ZNF805: variants seen among roughly 807,000 people sequenced by gnomAD.
ZNF805 encodes the protein CTC-444N24.8.
In ZNF805, 7 loss-of-function variants were observed where a neutral mutation model predicts 13.6. The observed-to-expected ratio is 0.51, with a 90% CI of 0.29 to 0.97. The LOEUF is 0.97. Ranked by LOEUF, ZNF805 falls within the 50% of genes least tolerant of loss-of-function variation. ZNF805 has a pLI of 0.08. For missense variants in ZNF805, 604 were observed against 771.0 expected, an observed-to-expected ratio of 0.78 and a Z score of 2.57; for synonymous variants, 293 against 279.8, an observed-to-expected ratio of 1.05 and a Z score of -0.47.
intron 2 of ZNF805, among the ~76,000 whole-genome samples, chr19:57,244,349 T>C (rs1458380776): frequency 6.6e-6 from 1 of 151,938 alleles, no homozygotes. Context: ...AAGCTGGGAT[T>C]ACAGGTGCCC....
At position 57,253,935 on chromosome 19, in the gene ZNF805, G is replaced by T; in HGVS notation, c.1116G>T (p.Glu372Asp). Residue 372 changes from glutamate (E) to aspartate (D), a missense_variant, in exon 4 of 4, where the codon GAG (glutamate) becomes GAT (aspartate). By Grantham distance (45) the Glu-to-Asp change is conservative. Coordinates refer to ENST00000414468, the MANE Select transcript of ZNF805 (RefSeq NM_001023563.4). This position sits in a 1 kb window ranked among gnomAD's most constrained non-coding sequence, Gnocchi z 4.4. Reference protein sequence around the residue: ...QQTHTGEKPYECSECGKAFCE... With the variant: ...QQTHTGEKPYDCSECGKAFCE... ...CTCATACCGGGGAGAAGCCCTATGA[G>T]TGCAGTGAATGTGGGAAGGCCTTCT... 1 of 1,614,100 alleles carries T rather than the reference G, an allele frequency of 6.2e-7. No homozygotes were observed. The highest frequency in any genetic ancestry group is 8.5e-7 in the Non-Finnish European group (1 of 1,180,000).
In ZNF805 at chr19:57,253,017, GT is replaced by G. The variant is rs2087660620; in HGVS notation, c.254-53del. The G allele has an allele frequency of 7.5e-7, 1 of 1,340,878 alleles. No homozygotes were observed. Among genetic ancestry groups the G allele is most frequent in the Admixed American group, 3.5e-5 (1 of 28,220 alleles). The allele number at this position is 1,340,878 out of a possible 1,614,324, so 83.1% of individuals were successfully genotyped here. A position where few individuals can be genotyped will look rare whatever the true frequency, so the allele number is the denominator to read the frequency against. On this transcript the variant is annotated intron_variant, in intron 3 of 3. Transcript: ENST00000414468. This position sits in a 1 kb window ranked among gnomAD's most constrained non-coding sequence, Gnocchi z 4.4. ...TTTTTTTTACTGAAGTGGTGAGTTTGTTTCTTCTCTTTTTACATTACTAACA... is the reference window on the plus strand; with the variant it reads ...TTTTTTTTACTGAAGTGGTGAGTTTGTTCTTCTCTTTTTACATTACTAACA...
At chr19:57,247,242 A>T (rs991622892) in intron 2 of ZNF805, among the ~76,000 whole-genome samples, 1 of 152,052 alleles carries the variant, frequency 6.6e-6, no homozygotes, top group African/African-American at 2.4e-5. Context: ...AAATATTTTA[A>T]TGGTTCGTGA....
At chr19:57,245,581 C>A in intron 2 of ZNF805, among the ~76,000 whole-genome samples, 1 of 149,280 alleles carries the variant, frequency 6.7e-6, no homozygotes, top group East Asian at 2.0e-4. Flanking sequence ...AGATAGAGAC[C>A]ATCCTGGCTA....
chr19:57,256,077 T>C lies in ZNF805; in HGVS notation c.*1374T>C, dbSNP rs2087685764. 6.6e-6 allele frequency among the ~76,000 whole-genome samples: 1 copy of C among 152,128 alleles called. No individual in the cohort carries two copies. Among genetic ancestry groups the C allele is most frequent in the East Asian group, 1.9e-4 (1 of 5,204 alleles). ...TTGTCATATGCTTTTTCTCCACCAA[T>C]TGATTTAATTATGTGATGTTACTTC... is the stretch of plus-strand genomic sequence containing the variant. On this transcript the variant is annotated 3_prime_UTR_variant, in exon 4 of 4. Transcript: ENST00000414468.
rs745701797 is a variant in ZNF805 at position 57,253,579 on chromosome 19, A to T, written c.760A>T (p.Thr254Ser). ...TYLLQHHMVH[T>S]GEKPYKCMEC... ...CCTCCTGCAGCACCACATGGTCCAC[A>T]CTGGGGAGAAGCCCTATAAGTGCAT... Residue 254 changes from threonine to serine, a missense_variant, in exon 4 of 4, where the codon ACT becomes TCT. Thr to Ser is a moderately conservative substitution (Grantham distance 58). Transcript: ENST00000414468. The surrounding 1 kb of genome is among the most constrained non-coding windows in gnomAD (Gnocchi z 4.4). The T allele has an allele frequency of 2.5e-6, 4 of 1,614,146 alleles. No individual in the cohort carries two copies. The highest frequency in any genetic ancestry group is 3.4e-6 in the Non-Finnish European group (4 of 1,180,006).
Position 57,253,179 on chromosome 19 carries a change from C to A in ZNF805, c.360C>A (p.Ser120=), listed in dbSNP as rs1471781323. Residue 120 remains serine (S), a synonymous_variant, in exon 4 of 4, where the codon TCC becomes TCA. Coordinates refer to ENST00000414468, the MANE Select transcript of ZNF805 (RefSeq NM_001023563.4). This position sits in a 1 kb window ranked among gnomAD's most constrained non-coding sequence, Gnocchi z 4.4. ...TAACACAAGGAGCTTCAGGGGACTC[C>A]CAGTTGGGGCAACCCAAGGATCAGG... The part of the protein sequence containing the change: ...GQLTQGASGD[S]QLGQPKDQDG... 1.3e-6 allele frequency: 2 copies of A among 1,559,278 alleles called. No individual in the cohort carries two copies. The highest frequency in any genetic ancestry group is 4.7e-5 in the East Asian group (2 of 42,408).
In ZNF805 at chr19:57,254,763, C is replaced by A; in HGVS notation, c.*60C>A. 6.7e-7 allele frequency: 1 copy of A among 1,492,566 alleles called. No homozygotes were observed. Among genetic ancestry groups the A allele is most frequent in the Admixed American group, 2.1e-5 (1 of 46,694 alleles). 92.5% of individuals were successfully genotyped at this position (1,492,566 alleles called of 1,614,324 possible). ...TAAGGAGTCATATTAGAAAATCACG[C>A]AGCTTAGAGCCTTATTCTCCATCCG... On this transcript the variant is annotated 3_prime_UTR_variant, in exon 4 of 4. Transcript: ENST00000414468.
intron 2 of ZNF805, among the ~76,000 whole-genome samples, chr19:57,248,209 TAAAA>T (rs796135894): frequency 2.2e-5 from 3 of 137,830 alleles, no homozygotes; most frequent in East Asian, 2.1e-4. Flanking sequence ...CTTAGGATGT[TAAAA>T]AAAAAAAAAA....
chr19:57,246,106 T>A (rs1179540486), intron 2 of ZNF805, among the ~76,000 whole-genome samples: 3 of 152,192 alleles, frequency 2.0e-5, no homozygotes, highest in Non-Finnish European at 4.4e-5. Context: ...TAATTTCCCC[T>A]TTTCTACAGA....
Position 57,259,232 on chromosome 19 carries a change from T to C in ZNF805, c.*4529T>C, listed in dbSNP as rs997058152. 6.6e-6 allele frequency among the ~76,000 whole-genome samples: 1 copy of C among 152,208 alleles called. No individual in the cohort carries two copies. The highest frequency in any genetic ancestry group is 6.5e-5 in the Admixed American group (1 of 15,278). On this transcript the variant is annotated 3_prime_UTR_variant, in exon 4 of 4. Coordinates refer to ENST00000414468, the MANE Select transcript of ZNF805 (RefSeq NM_001023563.4). ...TTTGGGAATTTTTAACCATTATTTC[T>C]TGAAATATTTTTTCATCCCTACTCT...
chr19:57,245,304 A>C (rs2087606066), intron 2 of ZNF805, among the ~76,000 whole-genome samples: 1 of 152,014 alleles, frequency 6.6e-6, no homozygotes, highest in Non-Finnish European at 1.5e-5. Context: ...GCCCCTTCTC[A>C]GCACCACTTG....
chr19:57,246,416 T>C (rs1187974093), intron 2 of ZNF805, among the ~76,000 whole-genome samples: 1 of 152,188 alleles, frequency 6.6e-6, no homozygotes, highest in African/African-American at 2.4e-5. Flanking sequence ...CTCTGGATTT[T>C]CCATTTACCA....
chr19:57,262,023 C>T lies in ZNF805; in HGVS notation c.*7320C>T, dbSNP rs2087727269. On this transcript the variant is annotated 3_prime_UTR_variant, in exon 4 of 4. Coordinates refer to ENST00000414468, the MANE Select transcript of ZNF805 (RefSeq NM_001023563.4). ...AGTTTATATTGGACTTGCTTTCTAG[C>T]ACATACCACAATTGTAGACCTCCAG... 6.0e-6 allele frequency: 1 copy of T among 165,608 alleles called. No individual in the cohort carries two copies. The highest frequency in any genetic ancestry group is 6.5e-5 in the Admixed American group (1 of 15,280). The allele number at this position is 165,608 out of a possible 1,614,324, so 10.3% of individuals were successfully genotyped here.
chr19:57,243,858 C>T, intron 1 of ZNF805, 65 bp from the exon 2 acceptor site: 1 of 1,610,942 alleles, frequency 6.2e-7, no homozygotes, highest in Non-Finnish European at 8.5e-7. Context: ...CTTGTTGCAC[C>T]TTTTCCAGCA....
chr19:57,249,233 A>G (rs1219513300), intron 3 of ZNF805, among the ~76,000 whole-genome samples: 1 of 151,552 alleles, frequency 6.6e-6, no homozygotes. Context: ...CCACTTCCAG[A>G]CCTCCCCTCA....
intron 1 of ZNF805, among the ~76,000 whole-genome samples, chr19:57,242,538 G>A (rs747969438): frequency 1.3e-5 from 2 of 152,202 alleles, no homozygotes. Flanking sequence ...ACCACAGCCT[G>A]CATTATCTTC....
chr19:57,260,650 C>T lies in ZNF805; in HGVS notation c.*5947C>T, dbSNP rs1179551926. Among the ~76,000 whole-genome samples the T allele has an allele frequency of 6.6e-6, 1 of 152,188 alleles. No homozygotes were observed. The highest frequency in any genetic ancestry group is 1.5e-5 in the Non-Finnish European group (1 of 68,042). On this transcript the variant is annotated 3_prime_UTR_variant, in exon 4 of 4. Coordinates refer to ENST00000414468, the MANE Select transcript of ZNF805 (RefSeq NM_001023563.4). ...CATCATGATCATTGCTGTTTTCTAA[C>T]TTGTCCTTCACCCCATGACTGAGTT...
At chr19:57,240,947 C>T in intron 1 of ZNF805, 26 bp downstream of exon 1, 1 of 1,556,532 alleles carries the variant, frequency 6.4e-7, no homozygotes, top group Non-Finnish European at 8.7e-7. Flanking sequence ...TTCGGCCTTG[C>T]TGCTTTTCTG....
Sources: allele counts gnomAD v4.1 joint callset (sites outside exome capture counted in the v4.1 genomes callset), GRCh38; gene constraint gnomAD v4.1.1; non-coding constraint Gnocchi (gnomAD v3.1); transcripts MANE v1.5; gene names NCBI Gene and HGNC (gene_info 2026-07-23, HGNC 2026-07-21).